Variants in PCDHGA3 observed in about 807,000 individuals in gnomAD.
The protein encoded by PCDHGA3 is protocadherin gamma subfamily A, 3.
Under a neutral mutation model 58.5 loss-of-function variants are expected in PCDHGA3, and 40 were observed. The observed-to-expected ratio is 0.68, with a 90% CI of 0.53 to 0.89. The LOEUF (loss-of-function observed/expected upper bound fraction) is 0.89, where lower values mean the gene tolerates loss of function less well. Ranked by LOEUF, PCDHGA3 falls within the 40% of genes least tolerant of loss-of-function variation. PCDHGA3 has a pLI of 0.00. For synonymous variants in PCDHGA3, 530 were observed against 525.7 expected (o/e 1.01, Z -0.11); for missense variants, 1,223 against 1,195.9 (o/e 1.02, Z -0.33).
Position 141,345,148 on chromosome 5 carries a change from A to G in PCDHGA3, c.1115A>G (p.His372Arg). ...VGREIALIDV[H>R]DRDSGQNGQV... Reference sequence around the variant, plus strand: ...AGAGAAATTGCTCTTATCGACGTGCATGACCGAGATTCTGGGCAGAATGGG... The same window carrying G: ...AGAGAAATTGCTCTTATCGACGTGCGTGACCGAGATTCTGGGCAGAATGGG... The change falls in exon 1 of 4, where the codon CAT becomes CGT. Residue 372 changes from histidine to arginine, a missense_variant. His to Arg is a conservative substitution (Grantham distance 29). Around this residue, in one of 3 missense-constraint regions of PCDHGA3, gnomAD observed 791 missense variants for 708.5 expected, o/e 1.12. Transcript: ENST00000253812. 3.7e-6 allele frequency: 6 copies of G among 1,614,046 alleles called. No individual in the cohort carries two copies. Among genetic ancestry groups the G allele is most frequent in the Non-Finnish European group, 4.2e-6 (5 of 1,179,886 alleles).
At chr5:141,378,957 A>T (rs1303880032) in intron 1 of PCDHGA3, 2 of 152,224 alleles carry the variant, frequency 1.3e-5, no homozygotes, top group Non-Finnish European at 2.9e-5. Context: ...AGTACAGGGG[A>T]TTCTCTAATT....
At chr5:141,443,055 C>G (rs994152277) in intron 1 of PCDHGA3, among the ~76,000 whole-genome samples, 1 of 152,208 alleles carries the variant, frequency 6.6e-6, no homozygotes, top group Non-Finnish European at 1.5e-5. Flanking sequence ...TATTGTTCCA[C>G]TGAAGAGCGT....
chr5:141,408,362 C>T (rs773344794), intron 1 of PCDHGA3: 36 of 1,613,850 alleles, frequency 2.2e-5, no homozygotes, highest in Non-Finnish European at 3.1e-5. Flanking sequence ...CGCTAAGGAT[C>T]TAGGGCTCAG....
In PCDHGA3 at chr5:141,489,872, T is replaced by A. The variant is rs2099693206; in HGVS notation, c.2425-4935T>A. 1 of 1,614,090 alleles carries A rather than the reference T, an allele frequency of 6.2e-7. No homozygotes were observed. The highest frequency in any genetic ancestry group is 8.5e-7 in the Non-Finnish European group (1 of 1,180,016). On this transcript the variant is annotated intron_variant, in intron 1 of 3. Coordinates refer to ENST00000253812, the MANE Select transcript of PCDHGA3 (RefSeq NM_018916.4). The surrounding 1 kb of genome is among the most constrained non-coding windows in gnomAD (Gnocchi z 4.5). ...GAAGCCCAGGCAAGACATCAGCTGG[T>A]GCTTACTGCTGTGGATGGGGGGACC...
intron 1 of PCDHGA3, chr5:141,362,035 G>T (rs1246386759): frequency 1.2e-6 from 2 of 1,609,742 alleles, no homozygotes; most frequent in African/African-American, 1.3e-5. Context: ...TGCCTTGGGC[G>T]ACAGGGACGC....
At chr5:141,475,329 A>G (rs1229101617) in intron 1 of PCDHGA3, among the ~76,000 whole-genome samples, 1 of 152,266 alleles carries the variant, frequency 6.6e-6, no homozygotes, top group Non-Finnish European at 1.5e-5. Context: ...AATGAGAGCT[A>G]ACAATGACAT....
intron 1 of PCDHGA3, chr5:141,398,830 G>A: frequency 6.2e-7 from 1 of 1,613,946 alleles, no homozygotes; most frequent in Non-Finnish European, 8.5e-7. Flanking sequence ...GGTAACCGAC[G>A]CCAATGATAA....
At chr5:141,388,889 CAT>C in intron 1 of PCDHGA3, 6 of 1,613,954 alleles carry the variant, frequency 3.7e-6, no homozygotes, top group Non-Finnish European at 5.1e-6. Flanking sequence ...AGGTAGAAGT[CAT>C]AGATGAAAAT....
rs753872725 is a variant in PCDHGA3, at chr5:141,423,153, C to T, written c.2425-71654C>T. ...TGGACAGAGACGCGCTCAAGCAGAG[C>T]CTCGTGGTGGCCGTCCAGGACCACG... On this transcript the variant is annotated intron_variant, in intron 1 of 3. Transcript: ENST00000253812. The T allele has an allele frequency of 3.7e-6, 6 of 1,613,482 alleles. No homozygotes were observed. The East Asian group carries it at 8.9e-5, about 24-fold the overall frequency.
At chr5:141,365,469 G>A in intron 1 of PCDHGA3, 2 of 1,614,010 alleles carry the variant, frequency 1.2e-6, no homozygotes, top group Non-Finnish European at 1.7e-6. Flanking sequence ...GGAGAAAATG[G>A]TGAGATTGCA....
intron 1 of PCDHGA3, chr5:141,414,679 G>T: frequency 6.2e-7 from 1 of 1,613,960 alleles, no homozygotes; most frequent in South Asian, 1.1e-5. Context: ...CACCATCCAG[G>T]GGGTACCTCT....
intron 1 of PCDHGA3, among the ~76,000 whole-genome samples, chr5:141,442,846 C>T (rs1489647686): frequency 2.6e-5 from 4 of 152,234 alleles, no homozygotes; most frequent in Non-Finnish European, 4.4e-5. Context: ...AAATCTTGGC[C>T]ATTGTAGTAT....
intron 1 of PCDHGA3, chr5:141,414,156 T>TCTC (rs1462369810): frequency 6.2e-7 from 1 of 1,601,848 alleles, no homozygotes; most frequent in Admixed American, 1.7e-5. Flanking sequence ...AAGCAGAAGA[T>TCTC]GGAGGAGCAT....
At position 141,432,480 on chromosome 5, in the gene PCDHGA3, G is replaced by C; in HGVS notation, c.2425-62327G>C. ...GCCCTCCCCACGGACGGTTCCACTGGCGTGGAGCTGGCTCCCCGCTCCGCA... is the reference window on the plus strand; with the variant it reads ...GCCCTCCCCACGGACGGTTCCACTGCCGTGGAGCTGGCTCCCCGCTCCGCA... On this transcript the variant is annotated intron_variant, in intron 1 of 3. Coordinates refer to ENST00000253812, the MANE Select transcript of PCDHGA3 (RefSeq NM_018916.4). The surrounding 1 kb of genome is among the most constrained non-coding windows in gnomAD (Gnocchi z 6.0). 6 of 1,614,180 alleles carry C rather than the reference G, an allele frequency of 3.7e-6. No homozygotes were observed. Among genetic ancestry groups the C allele is most frequent in the Non-Finnish European group, 5.1e-6 (6 of 1,180,044 alleles).
intron 1 of PCDHGA3, chr5:141,362,441 A>T: frequency 2.5e-6 from 4 of 1,614,052 alleles, no homozygotes; most frequent in Non-Finnish European, 3.4e-6. Context: ...AATTTTCTGA[A>T]CATAACCCCG....
intron 1 of PCDHGA3, chr5:141,395,088 C>T (rs778953049): frequency 4.3e-6 from 7 of 1,614,194 alleles, no homozygotes; most frequent in African/African-American, 1.3e-5. Flanking sequence ...GGAAGTCTCC[C>T]TCACCGCCGA....
rs1019219811 is a variant in PCDHGA3, at chr5:141,420,399, T to G, written c.2424+73942T>G. ...AGAGTTCGCAAAATATAGGTCAAAT[T>G]TATGGTTATCATTATTAAAACAAAA... On this transcript the variant is annotated intron_variant, in intron 1 of 3. Transcript: ENST00000253812. 5.6e-6 allele frequency: 7 copies of G among 1,257,080 alleles called. No individual in the cohort carries two copies. In the Admixed American group the frequency reaches 1.8e-4, roughly 32 times the overall value. 77.9% of individuals were successfully genotyped at this position (1,257,080 alleles called of 1,614,324 possible).
intron 1 of PCDHGA3, chr5:141,384,384 C>T (rs142665639): frequency 6.2e-7 from 1 of 1,613,816 alleles, no homozygotes; most frequent in Non-Finnish European, 8.5e-7. Flanking sequence ...CCGAAGACAC[C>T]ATCCAGGGGG....
intron 1 of PCDHGA3, chr5:141,408,797 C>A (rs965305130): frequency 6.2e-7 from 1 of 1,612,958 alleles, no homozygotes; most frequent in African/African-American, 1.3e-5. Context: ...TCTGGAGAAA[C>A]TCCTAGACCG....
Sources: gnomAD v4.1 joint callset for allele counts (sites outside exome capture counted in the v4.1 genomes callset) on GRCh38, gnomAD v4.1.1 for gene constraint, gnomAD v4.1.1 regional missense constraint, Gnocchi (gnomAD v3.1) non-coding constraint, MANE v1.5 for transcripts, NCBI Gene and HGNC (gene_info 2026-07-23, HGNC 2026-07-21) for gene names.